The following NIPA1 variants were observed in gnomAD, a reference collection of about 807,000 sequenced individuals.
NIPA1 encodes magnesium transporter NIPA1.
A neutral mutation model predicts 23.9 loss-of-function variants in NIPA1; 13 were observed. The ratio of observed to expected loss-of-function variants is 0.54; its 90% confidence interval spans 0.35 to 0.87. The LOEUF is 0.87. Among genes scored for constraint, NIPA1 ranks in the 40% least tolerant of loss-of-function variants. The pLI is 0.01. For synonymous variants in NIPA1, 234 were observed against 202.9 expected (o/e 1.15, Z -1.30); for missense variants, 362 against 429.7 (o/e 0.84, Z 1.39).
At position 22,810,967 on chromosome 15, in the gene NIPA1, C is replaced by G. The variant is rs531607873; in HGVS notation, c.226+171C>G. 8.7e-4 allele frequency: 580 copies of G among 665,228 alleles called. 10 individuals carry two copies. Among genetic ancestry groups the G allele is most frequent in the South Asian group, 6.2e-3 (386 of 61,846 alleles). The allele number at this position is 665,228 out of a possible 1,614,324, so 41.2% of individuals were successfully genotyped here. ...TTTCAGTTCGGATGTCCCTGCCTCC[C>G]CAGGGCACTCTCCCTGCTCCCCTTC... On this transcript the variant is annotated intron_variant, in intron 2 of 4. Coordinates refer to ENST00000337435, the MANE Select transcript of NIPA1 (RefSeq NM_144599.5).
chr15:22,824,089 C>G lies in NIPA1; in HGVS notation c.840C>G (p.Phe280Leu). The stretch of plus-strand genomic sequence containing the variant: ...TCCTGCTGGCCTCAGCCATCCTCTT[C>G]CGGGAGTGGAGCAACGTGGGCCTGG... Reference protein sequence around the residue: ...TLVLLASAILFREWSNVGLVD... With the variant: ...TLVLLASAILLREWSNVGLVD... The change falls in exon 5 of 5, where the codon TTC becomes TTG. Residue 280 changes from phenylalanine (F) to leucine (L), a missense_variant. Phe to Leu is a conservative substitution (Grantham distance 22). This residue lies in a region of NIPA1 where 277 missense variants were observed against 372.0 expected (regional missense o/e 0.74). Transcript: ENST00000337435. This position sits in a 1 kb window ranked among gnomAD's most constrained non-coding sequence, Gnocchi z 4.1. 1 of 1,614,138 alleles carries G rather than the reference C, an allele frequency of 6.2e-7. No homozygotes were observed. The highest frequency in any genetic ancestry group is 8.5e-7 in the Non-Finnish European group (1 of 1,179,984).
chr15:22,816,385 C>A (rs1895418328), intron 3 of NIPA1, among the ~76,000 whole-genome samples: 1 of 148,562 alleles, frequency 6.7e-6, no homozygotes, highest in South Asian at 2.1e-4. Flanking sequence ...GACGGGGTTT[C>A]ACCATGTTAG....
Position 22,824,146 on chromosome 15 carries a change from G to A in NIPA1, c.897G>A (p.Thr299=), listed in dbSNP as rs368507906. 1.2e-5 allele frequency: 20 copies of A among 1,613,744 alleles called. No homozygotes were observed. Among genetic ancestry groups the A allele is most frequent in the South Asian group, 2.2e-5 (2 of 91,072 alleles). ...TCTTGGGGATGGCCTGTGGATTCAC[G>A]ACCGTCTCCGTGGGGATTGTCCTTA... ...VDFLGMACGF[T]TVSVGIVLIQ... The change falls in exon 5 of 5, where the codon ACG becomes ACA. Residue 299 remains threonine (T), a synonymous_variant. Transcript: ENST00000337435. The surrounding 1 kb of genome is among the most constrained non-coding windows in gnomAD (Gnocchi z 4.1).
chr15:22,814,124 TA>T, intron 3 of NIPA1: 3 of 1,267,854 alleles, frequency 2.4e-6, no homozygotes, highest in Non-Finnish European at 3.1e-6. Context: ...GTGTTCTGGA[TA>T]AAAAGCCTGT....
At chr15:22,794,632 G>A (rs994356909) in intron 1 of NIPA1, among the ~76,000 whole-genome samples, 5 of 152,150 alleles carry the variant, frequency 3.3e-5, no homozygotes, top group African/African-American at 1.2e-4. Flanking sequence ...TCTCGTGAGA[G>A]TGTAAACTGA....
At chr15:22,813,802 T>C in intron 3 of NIPA1, 1 of 415,698 alleles carries the variant, frequency 2.4e-6, no homozygotes, top group Non-Finnish European at 4.9e-6. Flanking sequence ...CATACACTGC[T>C]ATCATGTGTG....
chr15:22,823,954 C>G lies in NIPA1; in HGVS notation c.705C>G (p.Ala235=). Residue 235 remains alanine (A), a synonymous_variant, in exon 5 of 5, where the codon GCC becomes GCG. Transcript: ENST00000337435. Reference sequence around the variant, plus strand: ...TCTGCCTGTGCCTGGTACTCCTGGCCGTGCTCGGCTGCAGCATCATCGTCC... The same window carrying G: ...TCTGCCTGTGCCTGGTACTCCTGGCGGTGCTCGGCTGCAGCATCATCGTCC... ...RALCLCLVLL[A]VLGCSIIVQF... 1 of 1,614,172 alleles carries G rather than the reference C, an allele frequency of 6.2e-7. No individual in the cohort carries two copies. The highest frequency in any genetic ancestry group is 1.1e-5 in the South Asian group (1 of 91,084).
chr15:22,814,231 G>T, intron 3 of NIPA1: 1 of 555,422 alleles, frequency 1.8e-6, no homozygotes, highest in Non-Finnish European at 2.8e-6. Context: ...ATCAAAGTGT[G>T]CATATATGTA....
At chr15:22,795,127 A>T (rs1392464295) in intron 1 of NIPA1, among the ~76,000 whole-genome samples, 1 of 152,046 alleles carries the variant, frequency 6.6e-6, no homozygotes, top group Non-Finnish European at 1.5e-5. Context: ...CGTCCTACTA[A>T]GCAACAGAAT....
chr15:22,795,971 G>T (rs1310471815), intron 1 of NIPA1, among the ~76,000 whole-genome samples: 2 of 151,722 alleles, frequency 1.3e-5, no homozygotes, highest in Non-Finnish European at 2.9e-5. Flanking sequence ...TTTTTCCGTC[G>T]CCCAGGCTGG....
intron 3 of NIPA1, among the ~76,000 whole-genome samples, chr15:22,814,427 TCTC>T (rs1895376633): frequency 6.6e-6 from 1 of 151,988 alleles, no homozygotes; most frequent in Admixed American, 6.6e-5. Flanking sequence ...ATGGTCTTGA[TCTC>T]CTGACCTCGT....
chr15:22,815,320 C>T (rs770534694), intron 3 of NIPA1, among the ~76,000 whole-genome samples: 6 of 152,134 alleles, frequency 3.9e-5, no homozygotes, highest in Non-Finnish European at 7.3e-5. Context: ...TATTTTATGT[C>T]ATTATCTTTT....
In NIPA1 at chr15:22,824,326, G is replaced by C; in HGVS notation, c.*87G>C. On this transcript the variant is annotated 3_prime_UTR_variant, in exon 5 of 5. Coordinates refer to ENST00000337435, the MANE Select transcript of NIPA1 (RefSeq NM_144599.5). The surrounding 1 kb of genome is among the most constrained non-coding windows in gnomAD (Gnocchi z 4.1). ...TGGATGTGAAGTAGAAGAGGTCCTCGATCATGGTGTTAGAATTGACTGGAT... is the reference window on the plus strand; with the variant it reads ...TGGATGTGAAGTAGAAGAGGTCCTCCATCATGGTGTTAGAATTGACTGGAT... The C allele has an allele frequency of 1.7e-6, 2 of 1,144,290 alleles. No individual in the cohort carries two copies. The highest frequency in any genetic ancestry group is 2.6e-6 in the Non-Finnish European group (2 of 756,298). 70.9% of individuals were successfully genotyped at this position (1,144,290 alleles called of 1,614,324 possible). A position where few individuals can be genotyped will look rare whatever the true frequency, so the allele number is the denominator to read the frequency against.
At chr15:22,805,208 A>G (rs538674865) in intron 1 of NIPA1, among the ~76,000 whole-genome samples, 2 of 152,280 alleles carry the variant, frequency 1.3e-5, no homozygotes, top group South Asian at 4.1e-4. Context: ...TTGCCAAACT[A>G]TTTCTTAGGA....
Position 22,806,004 on chromosome 15 carries a change from A to G in NIPA1, c.179-4745A>G, listed in dbSNP as rs572071514. On this transcript the variant is annotated intron_variant, in intron 1 of 4. Transcript: ENST00000337435. ...AGTGGCGCGATCTCGGCTCACTGCA[A>G]GCTCCGCCTTCTGGGTTCACACCAT... is the stretch of plus-strand genomic sequence containing the variant. 1.1e-4 allele frequency among the ~76,000 whole-genome samples: 16 copies of G among 152,016 alleles called. No homozygotes were observed. In the South Asian group the frequency reaches 2.5e-3, roughly 24 times the overall value.
At chr15:22,792,880 G>C (rs1894861844) in intron 1 of NIPA1, among the ~76,000 whole-genome samples, 1 of 152,002 alleles carries the variant, frequency 6.6e-6, no homozygotes, top group African/African-American at 2.4e-5. Context: ...CTTGAACCTG[G>C]GAGGCGGAAG....
intron 4 of NIPA1, among the ~76,000 whole-genome samples, chr15:22,820,752 C>T (rs760216196): frequency 4.6e-5 from 7 of 152,032 alleles, no homozygotes; most frequent in African/African-American, 1.7e-4. Flanking sequence ...TGTGCATGGG[C>T]GCCTTCCCTT....
chr15:22,810,733 A>G lies in NIPA1; in HGVS notation c.179-16A>G, dbSNP rs767193809. The G allele has an allele frequency of 1.3e-6, 2 of 1,572,796 alleles. No homozygotes were observed. Among genetic ancestry groups the G allele is most frequent in the Non-Finnish European group, 1.8e-6 (2 of 1,142,244 alleles). Reference sequence around the variant, plus strand: ...TAAACCCACTTTTCTGACATTTTTTATCTCATTTTTTATAGGTACTTCCTA... The same window carrying G: ...TAAACCCACTTTTCTGACATTTTTTGTCTCATTTTTTATAGGTACTTCCTA... On this transcript the variant is annotated splice_polypyrimidine_tract_variant and intron_variant, in intron 1 of 4. Transcript: ENST00000337435.
rs1230805994 is a variant in NIPA1 at position 22,825,973 on chromosome 15, T to C, written c.*1734T>C. 1 of 152,442 alleles carries C rather than the reference T, an allele frequency of 6.6e-6. No homozygotes were observed. The highest frequency in any genetic ancestry group is 2.1e-4 in the South Asian group (1 of 4,834). 9.4% of individuals were successfully genotyped at this position (152,442 alleles called of 1,614,324 possible). Reference sequence around the variant, plus strand: ...CATGTACTTCATGGCCAGTGTTTTATCTCAGCAGGGAACTACGCCAAGTTG... The same window carrying C: ...CATGTACTTCATGGCCAGTGTTTTACCTCAGCAGGGAACTACGCCAAGTTG... On this transcript the variant is annotated 3_prime_UTR_variant, in exon 5 of 5. Coordinates refer to ENST00000337435, the MANE Select transcript of NIPA1 (RefSeq NM_144599.5).
Sources: gnomAD v4.1 joint callset for allele counts (sites outside exome capture counted in the v4.1 genomes callset) on GRCh38, gnomAD v4.1.1 for gene constraint, gnomAD v4.1.1 regional missense constraint, Gnocchi (gnomAD v3.1) non-coding constraint, MANE v1.5 for transcripts, NCBI Gene and HGNC (gene_info 2026-07-23, HGNC 2026-07-21) for gene names.